PNPLA4: variants seen among roughly 807,000 people sequenced by gnomAD.
PNPLA4 encodes the protein patatin-like phospholipase domain-containing protein 4.
Under a neutral mutation model 18.3 loss-of-function variants are expected in PNPLA4, and 15 were observed. That is an observed-to-expected ratio of 0.82 (90% CI 0.55 to 1.26). The LOEUF (loss-of-function observed/expected upper bound fraction) is 1.26, where lower values mean the gene tolerates loss of function less well. Ranked by LOEUF, PNPLA4 falls within the 50% of genes most tolerant of loss-of-function variation. PNPLA4 has a pLI of 0.00. For synonymous variants in PNPLA4, 88 were observed against 85.6 expected, an observed-to-expected ratio of 1.03 and a Z score of -0.16; for missense variants, 229 against 196.8, an observed-to-expected ratio of 1.16 and a Z score of -0.98.
At chrX:7,914,109 T>A (rs1177105805) in intron 4 of PNPLA4, among the ~76,000 whole-genome samples, 1 of 112,498 alleles carries the variant, frequency 8.9e-6, no homozygotes, top group Non-Finnish European at 1.9e-5. Context: ...CTTGTTTATT[T>A]ATTTATTACA....
Position 7,921,743 on chromosome X carries a change from G to A in PNPLA4, c.381C>T (p.Ser127=), listed in dbSNP as rs763627167. 20 of 1,209,537 alleles carry A rather than the reference G, an allele frequency of 1.7e-5. No homozygotes were observed. Among genetic ancestry groups the A allele is most frequent in the Non-Finnish European group, 2.2e-5 (20 of 893,446 alleles). ...TGAGGTCCTCCCTGGAGGAAAAAGTGGAGACTAAGTGATTTTCTCTGGTTT... is the reference window on the plus strand; with the variant it reads ...TGAGGTCCTCCCTGGAGGAAAAAGTAGAGACTAAGTGATTTTCTCTGGTTT... The part of the protein sequence containing the change: ...NAKTRENHLV[S]TFSSREDLIK... The change falls in exon 4 of 7, where the codon TCC becomes TCT. Residue 127 remains serine (S), a synonymous_variant. Coordinates refer to ENST00000381042, the MANE Select transcript of PNPLA4 (RefSeq NM_004650.3).
intron 5 of PNPLA4, among the ~76,000 whole-genome samples, chrX:7,904,859 T>C (rs1159414725): frequency 1.8e-5 from 2 of 111,371 alleles, no homozygotes; most frequent in Non-Finnish European, 3.8e-5. Context: ...GTCTACCCCG[T>C]TAGAGTTTTC....
chrX:7,904,569 C>T (rs1270748698), intron 5 of PNPLA4, among the ~76,000 whole-genome samples: 3 of 112,264 alleles, frequency 2.7e-5, no homozygotes, highest in Admixed American at 9.4e-5. Flanking sequence ...CACATTCATT[C>T]GGGCATACAG....
At chrX:7,904,675 T>C (rs1210721868) in intron 5 of PNPLA4, among the ~76,000 whole-genome samples, 2 of 112,583 alleles carry the variant, frequency 1.8e-5, no homozygotes, top group African/African-American at 3.2e-5. Flanking sequence ...GCTCTACTGA[T>C]AGTTTAAAAT....
chrX:7,900,657 G>A lies in PNPLA4; in HGVS notation c.*29C>T, dbSNP rs1244037512. 4.9e-6 allele frequency: 5 copies of A among 1,027,246 alleles called. No homozygotes were observed. The highest frequency in any genetic ancestry group is 3.2e-5 in the East Asian group (1 of 31,693). The allele number at this position is 1,027,246 out of a possible 1,213,427, so 84.7% of individuals were successfully genotyped here. A position where few individuals can be genotyped will look rare whatever the true frequency, so the allele number is the denominator to read the frequency against. ...ACTTCCATCAAAAACTATCTAAAACGTGTTTTGCATTATAAACTTTTATGC... is the reference window on the plus strand; with the variant it reads ...ACTTCCATCAAAAACTATCTAAAACATGTTTTGCATTATAAACTTTTATGC... On this transcript the variant is annotated 3_prime_UTR_variant, in exon 7 of 7. Transcript: ENST00000381042.
chrX:7,898,338 T>C lies in PNPLA4; in HGVS notation c.*2348A>G, dbSNP rs763891621. 2 of 111,986 alleles carry C rather than the reference T, an allele frequency of 1.8e-5. No homozygotes were observed. The highest frequency in any genetic ancestry group is 5.6e-4 in the East Asian group (2 of 3,570). The allele number at this position is 111,986 out of a possible 1,213,427, so 9.2% of individuals were successfully genotyped here. A position where few individuals can be genotyped will look rare whatever the true frequency, so the allele number is the denominator to read the frequency against. On this transcript the variant is annotated 3_prime_UTR_variant, in exon 7 of 7. Transcript: ENST00000381042. ...GAATTTATCAAGCTGCCAATCACAG[T>C]AATTACCCTGCAAACATATCAGTAT... is the stretch of plus-strand genomic sequence containing the variant.
At chrX:7,924,446 C>T (rs762133666) in intron 2 of PNPLA4, among the ~76,000 whole-genome samples, 12 of 111,889 alleles carry the variant, frequency 1.1e-4, no homozygotes, top group Non-Finnish European at 2.1e-4. Context: ...ACTAAAATAA[C>T]CTTAAGTCAA....
At chrX:7,926,486 C>T (rs1231920144) in intron 1 of PNPLA4, among the ~76,000 whole-genome samples, 2 of 111,688 alleles carry the variant, frequency 1.8e-5, no homozygotes, top group African/African-American at 6.5e-5. Flanking sequence ...AAACGTTTTG[C>T]GGGTGGGGGC....
At chrX:7,924,318 G>T (rs1924324368) in intron 2 of PNPLA4, among the ~76,000 whole-genome samples, 1 of 111,963 alleles carries the variant, frequency 8.9e-6, no homozygotes, top group South Asian at 3.7e-4. Flanking sequence ...AAAGCTTGAG[G>T]AACTTATATC....
At chrX:7,913,643 TC>T (rs1308447922) in intron 4 of PNPLA4, among the ~76,000 whole-genome samples, 2 of 112,603 alleles carry the variant, frequency 1.8e-5, no homozygotes, top group Non-Finnish European at 3.8e-5. Flanking sequence ...AATTTCTGGG[TC>T]CTGTCCAAAA....
chrX:7,903,424 C>T (rs934686533), intron 5 of PNPLA4, among the ~76,000 whole-genome samples: 5 of 110,368 alleles, frequency 4.5e-5, no homozygotes, highest in Non-Finnish European at 7.6e-5. Context: ...CTCAGCCTCC[C>T]GAGTAGCTGG....
chrX:7,926,300 CCT>C (rs1310285111), intron 1 of PNPLA4, among the ~76,000 whole-genome samples, 168 bp from the exon 2 acceptor site: 1 of 112,250 alleles, frequency 8.9e-6, no homozygotes, highest in Admixed American at 9.4e-5. Flanking sequence ...TCAAGGAAAC[CCT>C]TTCTTTCCCT....
rs1601641047 is a variant in PNPLA4 at position 7,899,621 on chromosome X, T to G, written c.*1065A>C. 2.9e-5 allele frequency: 1 copy of G among 34,428 alleles called. No individual in the cohort carries two copies. The highest frequency in any genetic ancestry group is 5.7e-5 in the Non-Finnish European group (1 of 17,468). The allele number at this position is 34,428 out of a possible 1,213,427, so 2.8% of individuals were successfully genotyped here. On this transcript the variant is annotated 3_prime_UTR_variant, in exon 7 of 7. Coordinates refer to ENST00000381042, the MANE Select transcript of PNPLA4 (RefSeq NM_004650.3). Reference sequence around the variant, plus strand: ...AACAATAGCTAAATACTCAGAGAGGTATGGCGAGAGAGAGAGAGAGAGAGA... The same window carrying G: ...AACAATAGCTAAATACTCAGAGAGGGATGGCGAGAGAGAGAGAGAGAGAGA...
At chrX:7,908,899 C>T (rs1206650019) in intron 5 of PNPLA4, among the ~76,000 whole-genome samples, 1 of 111,587 alleles carries the variant, frequency 9.0e-6, no homozygotes, top group African/African-American at 3.3e-5. Context: ...TTAATTGTGG[C>T]TGTCACTCTA....
chrX:7,920,123 G>A (rs1250889591), intron 4 of PNPLA4, among the ~76,000 whole-genome samples: 1 of 111,389 alleles, frequency 9.0e-6, no homozygotes, highest in Non-Finnish European at 1.9e-5. Context: ...AGAGTGATAT[G>A]TAAATCAGGA....
intron 1 of PNPLA4, 60 bp from the exon 2 acceptor site, chrX:7,926,192 A>C: frequency 1.2e-6 from 1 of 828,133 alleles, no homozygotes; most frequent in African/African-American, 2.0e-5. Flanking sequence ...CATACTGTGT[A>C]GTCTTATGTT....
At chrX:7,917,905 C>T (rs1401631276) in intron 4 of PNPLA4, among the ~76,000 whole-genome samples, 1 of 112,090 alleles carries the variant, frequency 8.9e-6, no homozygotes, top group East Asian at 2.8e-4. Flanking sequence ...GGTACATAGG[C>T]ACTCTGTAAC....
In PNPLA4 at chrX:7,921,721, G is replaced by A; in HGVS notation, c.403C>T (p.Leu135Phe). The A allele has an allele frequency of 2.5e-6, 3 of 1,208,325 alleles. No individual in the cohort carries two copies. Among genetic ancestry groups the A allele is most frequent in the Non-Finnish European group, 3.4e-6 (3 of 892,579 alleles). Reference sequence around the variant, plus strand: ...AAACATGGCTTTGTTACCTTAATGAGGTCCTCCCTGGAGGAAAAAGTGGAG... The same window carrying A: ...AAACATGGCTTTGTTACCTTAATGAAGTCCTCCCTGGAGGAAAAAGTGGAG... Reference protein sequence around the residue: ...LVSTFSSREDLIKVLLASSFV... With the variant: ...LVSTFSSREDFIKVLLASSFV... Residue 135 changes from leucine (L) to phenylalanine (F), a missense_variant, in exon 4 of 7, where the codon CTC becomes TTC. Coordinates refer to ENST00000381042, the MANE Select transcript of PNPLA4 (RefSeq NM_004650.3).
intron 2 of PNPLA4, among the ~76,000 whole-genome samples, chrX:7,923,355 G>A (rs1924293990): frequency 8.9e-6 from 1 of 111,741 alleles, no homozygotes; most frequent in South Asian, 3.8e-4. Context: ...AAGGGGTCAG[G>A]AGCCAAGGAG....
Sources: allele counts gnomAD v4.1 joint callset (sites outside exome capture counted in the v4.1 genomes callset), GRCh38; gene constraint gnomAD v4.1.1; transcripts MANE v1.5; gene names NCBI Gene and HGNC (gene_info 2026-07-23, HGNC 2026-07-21).